MALRD1: variants seen among roughly 807,000 people sequenced by gnomAD.
The protein encoded by MALRD1 is MAM and LDL receptor class A domain containing 1, also known as MAM and LDL-receptor class A domain-containing protein 1.
MALRD1 carries 247 observed loss-of-function variants against 242.1 expected under a neutral mutation model. The observed-to-expected ratio is 1.02, with a 90% CI of 0.92 to 1.13. MALRD1 has a LOEUF of 1.13. MALRD1 is among the 50% of genes most tolerant of loss of function. MALRD1 has a pLI of 0.00. For synonymous variants in MALRD1, 995 were observed against 866.6 expected (o/e 1.15, Z -2.60); for missense variants, 2,989 against 2,533.1 (o/e 1.18, Z -3.86).
intron 36 of MALRD1, among the ~76,000 whole-genome samples, chr10:19,646,729 T>A (rs1219767686): frequency 1.3e-5 from 2 of 152,200 alleles, no homozygotes; most frequent in African/African-American, 4.8e-5. Context: ...CAAAACAGTG[T>A]CTGGCAAATG....
chr10:19,069,453 A>G (rs1030191829), intron 2 of MALRD1, among the ~76,000 whole-genome samples: 1 of 151,864 alleles, frequency 6.6e-6, no homozygotes, highest in African/African-American at 2.4e-5. Context: ...TTAAAAGAAG[A>G]TATTCTTTTA....
chr10:19,399,432 C>G (rs2130848114), intron 28 of MALRD1, among the ~76,000 whole-genome samples: 1 of 152,254 alleles, frequency 6.6e-6, no homozygotes, highest in South Asian at 2.1e-4. Context: ...AATGCATACT[C>G]TTCATTTTCT....
At chr10:19,350,575 C>A (rs1844330951) in intron 25 of MALRD1, among the ~76,000 whole-genome samples, 1 of 152,078 alleles carries the variant, frequency 6.6e-6, no homozygotes, top group Non-Finnish European at 1.5e-5. Flanking sequence ...CCGTGCCTGC[C>A]AATGCTTAGA....
At chr10:19,128,412 CAAATT>C in intron 8 of MALRD1, 25 bp downstream of exon 8, 1 of 1,226,062 alleles carries the variant, frequency 8.2e-7, no homozygotes, top group Non-Finnish European at 1.0e-6. Flanking sequence ...GCATTTATTT[CAAATT>C]CATTGAATCA....
chr10:19,448,196 T>G (rs1318164774), intron 28 of MALRD1, among the ~76,000 whole-genome samples: 2 of 152,164 alleles, frequency 1.3e-5, no homozygotes, highest in Non-Finnish European at 2.9e-5. Flanking sequence ...TTTTTCCTCT[T>G]TAGCTTTTAT....
At chr10:19,172,775 A>G (rs1168193947) in intron 13 of MALRD1, among the ~76,000 whole-genome samples, 2 of 151,948 alleles carry the variant, frequency 1.3e-5, no homozygotes, top group East Asian at 3.9e-4. Context: ...ATTGACATCA[A>G]TGCAAGATGT....
At chr10:19,386,199 A>C (rs1846063262) in intron 26 of MALRD1, among the ~76,000 whole-genome samples, 1 of 152,114 alleles carries the variant, frequency 6.6e-6, no homozygotes, top group Non-Finnish European at 1.5e-5. Context: ...CAGGAGGTAC[A>C]AGCTTCTATA....
chr10:19,613,119 C>T (rs1047503588), intron 35 of MALRD1, among the ~76,000 whole-genome samples: 9 of 151,898 alleles, frequency 5.9e-5, no homozygotes, highest in African/African-American at 2.2e-4. Context: ...TAAGATTGGG[C>T]TTATCAAAGA....
intron 18 of MALRD1, among the ~76,000 whole-genome samples, chr10:19,220,265 G>A (rs563592330): frequency 7.2e-5 from 11 of 152,102 alleles, no homozygotes; most frequent in Non-Finnish European, 1.2e-4. Flanking sequence ...TATGTAGAGG[G>A]ACAGGGGAGG....
intron 36 of MALRD1, among the ~76,000 whole-genome samples, chr10:19,690,450 A>G (rs1842769764): frequency 6.6e-6 from 1 of 152,060 alleles, no homozygotes; most frequent in Non-Finnish European, 1.5e-5. Context: ...TAACACTAGA[A>G]TGGGCAGGAC....
intron 18 of MALRD1, among the ~76,000 whole-genome samples, chr10:19,226,264 T>G (rs1013315683): frequency 6.6e-6 from 1 of 152,046 alleles, no homozygotes; most frequent in Non-Finnish European, 1.5e-5. Context: ...AAAAAGGAAT[T>G]TACAAAATGT....
intron 21 of MALRD1, among the ~76,000 whole-genome samples, chr10:19,293,597 T>C (rs1215920245): frequency 2.0e-5 from 3 of 152,180 alleles, no homozygotes; most frequent in Non-Finnish European, 4.4e-5. Flanking sequence ...ATCATGTCTT[T>C]TGTGGGAACA....
chr10:19,668,193 T>C (rs1292123216), intron 36 of MALRD1, among the ~76,000 whole-genome samples: 1 of 152,180 alleles, frequency 6.6e-6, no homozygotes, highest in African/African-American at 2.4e-5. Context: ...TTCATATTTA[T>C]TGGAGAGAAA....
At chr10:19,300,500 C>T (rs192118011) in intron 21 of MALRD1, among the ~76,000 whole-genome samples, 8 of 151,840 alleles carry the variant, frequency 5.3e-5, no homozygotes, top group East Asian at 1.9e-4. Context: ...AGTGCTGTGA[C>T]AAAAATAGAC....
intron 36 of MALRD1, among the ~76,000 whole-genome samples, chr10:19,633,390 G>T (rs182599507): frequency 6.6e-6 from 1 of 152,282 alleles, no homozygotes; most frequent in East Asian, 1.9e-4. Flanking sequence ...GTAAAAGCTC[G>T]TAGGAACGTT....
At chr10:19,726,565 T>C (rs1049310561) in intron 38 of MALRD1, among the ~76,000 whole-genome samples, 3 of 151,962 alleles carry the variant, frequency 2.0e-5, no homozygotes, top group African/African-American at 7.3e-5. Context: ...TAAAAAAGAG[T>C]TACCGTGTGT....
In MALRD1 at chr10:19,555,934, A is replaced by G. The variant is rs572957374; in HGVS notation, c.5479-11568A>G. On this transcript the variant is annotated intron_variant, in intron 32 of 39. Transcript: ENST00000454679. Reference sequence around the variant, plus strand: ...AGGGAGAGAAAAGGAGGGTGACTAAATGTATTAACGGAACAAGTGATTATT... The same window carrying G: ...AGGGAGAGAAAAGGAGGGTGACTAAGTGTATTAACGGAACAAGTGATTATT... Among the ~76,000 whole-genome samples the G allele has an allele frequency of 1.5e-3, 226 of 152,282 alleles. 2 individuals carry two copies. Among genetic ancestry groups the G allele is most frequent in the African/African-American group, 5.3e-3 (220 of 41,562 alleles).
intron 28 of MALRD1, among the ~76,000 whole-genome samples, chr10:19,402,777 A>T (rs546979891): frequency 6.6e-6 from 1 of 152,198 alleles, no homozygotes; most frequent in South Asian, 2.1e-4. Context: ...TTAAATCCAT[A>T]TCTTTTTCTA....
intron 29 of MALRD1, among the ~76,000 whole-genome samples, chr10:19,469,975 C>T (rs1056245553): frequency 1.3e-5 from 2 of 151,962 alleles, no homozygotes; most frequent in African/African-American, 2.4e-5. Flanking sequence ...AACATAAGGT[C>T]TACCTTCTTA....
Sources: gnomAD v4.1 joint callset for allele counts (sites outside exome capture counted in the v4.1 genomes callset) on GRCh38, gnomAD v4.1.1 for gene constraint, MANE v1.5 for transcripts, NCBI Gene and HGNC (gene_info 2026-07-23, HGNC 2026-07-21) for gene names.